Variants in ATAD2B observed in about 807,000 individuals in gnomAD.
ATAD2B encodes the protein ATPase family AAA domain containing 2B.
ATAD2B carries 40 observed loss-of-function variants against 167.6 expected under a neutral mutation model. The ratio of observed to expected loss-of-function variants is 0.24; its 90% CI spans 0.19 to 0.31. The LOEUF (loss-of-function observed/expected upper bound fraction) is 0.31. Among genes scored for constraint, ATAD2B ranks in the 10% least tolerant of loss-of-function variants. ATAD2B has a pLI of 1.00. For synonymous variants in ATAD2B, 579 were observed against 596.5 expected, an observed-to-expected ratio of 0.97 and a Z score of 0.43; for missense variants, 1,242 against 1,757.2, an observed-to-expected ratio of 0.71 and a Z score of 5.24.
intron 19 of ATAD2B, among the ~76,000 whole-genome samples, chr2:23,789,839 G>T (rs997168190): frequency 8.5e-5 from 13 of 152,130 alleles, no homozygotes; most frequent in Non-Finnish European, 1.9e-4. Flanking sequence ...GGCTTAGAAA[G>T]ATTTAAGTAA....
the ATAD2B span, among the ~76,000 whole-genome samples, chr2:23,737,709 A>C: frequency 2.0e-5 from 3 of 152,250 alleles, no homozygotes; most frequent in East Asian, 5.8e-4. Context: ...AATGACTTTG[A>C]CAAGTTGAGA....
intron 15 of ATAD2B, chr2:23,827,948 T>A (rs1389609245): frequency 1.3e-5 from 2 of 152,650 alleles, no homozygotes; most frequent in African/African-American, 4.8e-5. Context: ...TGGATCACAA[T>A]GATTTTTTAA....
intron 19 of ATAD2B, among the ~76,000 whole-genome samples, chr2:23,797,619 A>T (rs1361382353): frequency 6.6e-6 from 1 of 152,166 alleles, no homozygotes; most frequent in Non-Finnish European, 1.5e-5. Flanking sequence ...ACCTTTTCAG[A>T]TTTTAAAATA....
At chr2:23,899,228 G>A (rs1344633022) in intron 1 of ATAD2B, among the ~76,000 whole-genome samples, 3 of 149,294 alleles carry the variant, frequency 2.0e-5, no homozygotes, top group Admixed American at 6.8e-5. Context: ...TGGGAGGATC[G>A]CTTGAGCACA....
At chr2:23,875,433 A>C (rs938902113) in intron 8 of ATAD2B, among the ~76,000 whole-genome samples, 1 of 151,962 alleles carries the variant, frequency 6.6e-6, no homozygotes, top group African/African-American at 2.4e-5. Flanking sequence ...CCAGGAGAAA[A>C]GGTTGCAGTG....
At chr2:23,910,441 G>T (rs1702123221) in intron 1 of ATAD2B, among the ~76,000 whole-genome samples, 1 of 150,386 alleles carries the variant, frequency 6.6e-6, no homozygotes, top group Non-Finnish European at 1.5e-5. Flanking sequence ...GCCTCCCAAA[G>T]TGCTGAGATT....
chr2:23,707,688 G>A, the ATAD2B span: 1 of 152,322 alleles, frequency 6.6e-6, no homozygotes, highest in Non-Finnish European at 1.5e-5. Flanking sequence ...TGAGGACCAG[G>A]CCAGTGGGAA....
rs1449947817 is a variant in ATAD2B, at chr2:23,819,839, A to G, written c.2175T>C (p.Ala725=). ...GACAATTGGTCTCAAAAATTGATAA[A>G]GCATTTTCATCTTCACTATCCTCTA... ...LILEDSEDEN[A]LSIFETNCHS... Residue 725 remains alanine, a synonymous_variant, in exon 17 of 28, where the codon GCT becomes GCC. Transcript: ENST00000238789. 1 of 1,593,708 alleles carries G rather than the reference A, an allele frequency of 6.3e-7. No homozygotes were observed. The highest frequency in any genetic ancestry group is 2.2e-5 in the East Asian group (1 of 44,654).
At chr2:23,735,412 G>C in the ATAD2B span, among the ~76,000 whole-genome samples, 1 of 152,216 alleles carries the variant, frequency 6.6e-6, no homozygotes, top group Non-Finnish European at 1.5e-5. Context: ...ATCATCAGTA[G>C]ATGAGTGGTA....
chr2:23,857,953 C>G (rs1693691032), intron 12 of ATAD2B, among the ~76,000 whole-genome samples: 1 of 151,780 alleles, frequency 6.6e-6, no homozygotes, highest in Admixed American at 6.6e-5. Flanking sequence ...CCACGTTAGT[C>G]AGGATGGTCT....
the ATAD2B span, among the ~76,000 whole-genome samples, chr2:23,701,932 G>A: frequency 6.6e-6 from 1 of 151,648 alleles, no homozygotes; most frequent in Non-Finnish European, 1.5e-5. Flanking sequence ...GGGTAGCTGG[G>A]TAGCTGGGTA....
At chr2:23,789,242 C>T (rs1316773541) in intron 19 of ATAD2B, among the ~76,000 whole-genome samples, 1 of 152,104 alleles carries the variant, frequency 6.6e-6, no homozygotes, top group Non-Finnish European at 1.5e-5. Flanking sequence ...GATTACTCAC[C>T]TCTTCTGTTT....
the ATAD2B span, among the ~76,000 whole-genome samples, chr2:23,710,548 A>G: frequency 6.6e-6 from 1 of 152,322 alleles, no homozygotes; most frequent in Non-Finnish European, 1.5e-5. Context: ...AGAAGTATTC[A>G]CACCTGACCT....
chr2:23,795,955 T>TGGACA (rs1486828372), intron 19 of ATAD2B, among the ~76,000 whole-genome samples: 2 of 151,930 alleles, frequency 1.3e-5, no homozygotes, highest in African/African-American at 4.8e-5. Flanking sequence ...AAGGCTTAGC[T>TGGACA]GGACATGGTG....
chr2:23,920,557 T>C (rs1703758675), intron 1 of ATAD2B, among the ~76,000 whole-genome samples: 1 of 152,216 alleles, frequency 6.6e-6, no homozygotes, highest in African/African-American at 2.4e-5. Flanking sequence ...AGGTGCTGTA[T>C]TCAGGCCCTG....
the ATAD2B span, among the ~76,000 whole-genome samples, chr2:23,724,718 C>T: frequency 5.3e-5 from 8 of 151,912 alleles, no homozygotes; most frequent in Admixed American, 4.6e-4. Flanking sequence ...ATCAAGTGGC[C>T]AAATATCAAG....
At chr2:23,773,209 A>G (rs528875456) in intron 22 of ATAD2B, among the ~76,000 whole-genome samples, 6 of 152,338 alleles carry the variant, frequency 3.9e-5, no homozygotes, top group Non-Finnish European at 8.8e-5. Context: ...CTGGATTCAT[A>G]TAAGAACAGA....
chr2:23,698,812 C>T, the ATAD2B span, among the ~76,000 whole-genome samples: 47 of 152,202 alleles, frequency 3.1e-4, no homozygotes, highest in African/African-American at 1.0e-3. Context: ...ATTGAGCTGA[C>T]GGGAGGGCTC....
chr2:23,743,155 A>T, the ATAD2B span, among the ~76,000 whole-genome samples: 1 of 152,152 alleles, frequency 6.6e-6, no homozygotes, highest in Non-Finnish European at 1.5e-5. Context: ...AAAAAAAAAA[A>T]ATGACTATGC....
Sources: gnomAD v4.1 joint callset for allele counts (sites outside exome capture counted in the v4.1 genomes callset) on GRCh38, gnomAD v4.1.1 for gene constraint, MANE v1.5 for transcripts, NCBI Gene and HGNC (gene_info 2026-07-23, HGNC 2026-07-21) for gene names.